NELL1: variants seen among roughly 807,000 people sequenced by gnomAD.
NELL1 encodes protein kinase C-binding protein NELL1.
NELL1 carries 76 observed loss-of-function variants against 107.4 expected under a neutral mutation model. That is an observed-to-expected ratio of 0.71 (90% CI 0.59 to 0.86). The LOEUF (loss-of-function observed/expected upper bound fraction) is 0.86. NELL1 is among the 40% of genes least tolerant of loss of function. NELL1 has a pLI of 0.00. For missense variants in NELL1, 1,024 were observed against 1,005.5 expected (o/e 1.02, Z -0.25); for synonymous variants, 353 against 341.2 (o/e 1.03, Z -0.38).
At chr11:21,325,005 T>C (rs963589673) in intron 14 of NELL1, among the ~76,000 whole-genome samples, 4 of 152,234 alleles carry the variant, frequency 2.6e-5, no homozygotes, top group South Asian at 2.1e-4. Flanking sequence ...ATATTTGTAT[T>C]TTATTTTTTG....
chr11:20,921,092 A>C (rs2134163227), intron 7 of NELL1, among the ~76,000 whole-genome samples: 1 of 152,140 alleles, frequency 6.6e-6, no homozygotes, highest in East Asian at 1.9e-4. Context: ...CTTGCAAGCC[A>C]AGAGGCAAAA....
At chr11:21,011,472 T>G (rs57102243) in intron 12 of NELL1, among the ~76,000 whole-genome samples, 6,627 of 152,220 alleles carry the variant, frequency 0.044, 445 homozygotes, top group African/African-American at 0.14. Context: ...CTGAGTTTCC[T>G]ATGTTGGACC....
At chr11:21,298,876 A>G (rs1171434322) in intron 14 of NELL1, among the ~76,000 whole-genome samples, 1 of 151,872 alleles carries the variant, frequency 6.6e-6, no homozygotes, top group South Asian at 2.1e-4. Context: ...CCAAGAAATC[A>G]CCTTTCCCCC....
chr11:20,749,827 A>G (rs965676208), intron 2 of NELL1, among the ~76,000 whole-genome samples: 1 of 152,116 alleles, frequency 6.6e-6, no homozygotes, highest in African/African-American at 2.4e-5. Context: ...ACTATTCACT[A>G]TACTTTTTGT....
In NELL1 at chr11:21,196,883, CTT is replaced by C. The variant is rs200792090; in HGVS notation, c.1427-32434_1427-32433del. On this transcript the variant is annotated intron_variant, in intron 13 of 19. Transcript: ENST00000357134. ...TAATTCTTTTTCTTTCTTTTCTTTT[CTT>C]TTTTTTTTTTTTTTCTCACTCTGTT... Among the ~76,000 whole-genome samples, 799 of 136,244 alleles carry C rather than the reference CTT, an allele frequency of 5.9e-3. 2 individuals are homozygous for C. The highest frequency in any genetic ancestry group is 8.2e-3 in the African/African-American group (306 of 37,252). The allele number at this position is 136,244 out of a possible 152,430, so 89.4% of individuals were successfully genotyped here. A position where few individuals can be genotyped will look rare whatever the true frequency, so the allele number is the denominator to read the frequency against.
chr11:21,023,987 A>G (rs1852758204), intron 12 of NELL1, among the ~76,000 whole-genome samples: 2 of 152,148 alleles, frequency 1.3e-5, no homozygotes, highest in Admixed American at 1.3e-4. Context: ...AATGTTTCTT[A>G]GAAATCCTTC....
intron 3 of NELL1, among the ~76,000 whole-genome samples, chr11:20,802,595 A>C (rs1857301710): frequency 6.6e-6 from 1 of 152,164 alleles, no homozygotes; most frequent in Admixed American, 6.5e-5. Context: ...TAGGACTTAC[A>C]GTACTATGTT....
rs561135762 is a variant in NELL1 at position 21,123,821 on chromosome 11, C to T, written c.1426+10107C>T. Among the ~76,000 whole-genome samples, 8 of 151,914 alleles carry T rather than the reference C, an allele frequency of 5.3e-5. No homozygotes were observed. The East Asian group carries it at 1.4e-3, about 26-fold the overall frequency. On this transcript the variant is annotated intron_variant, in intron 13 of 19. Transcript: ENST00000357134. ...GCGTAAATATAAACTCATGGAAATT[C>T]GATTAAATAAATGACAATAAATCCA...
intron 15 of NELL1, among the ~76,000 whole-genome samples, chr11:21,440,386 TTTAG>T (rs1017756067): frequency 6.6e-6 from 1 of 152,182 alleles, no homozygotes; most frequent in Non-Finnish European, 1.5e-5. Flanking sequence ...GTATTTTTAT[TTTAG>T]TTAGTTAATT....
intron 15 of NELL1, among the ~76,000 whole-genome samples, chr11:21,455,054 T>A (rs1422244130): frequency 2.0e-5 from 3 of 152,238 alleles, no homozygotes; most frequent in Non-Finnish European, 4.4e-5. Flanking sequence ...TTCCATAAAC[T>A]TTCAGTGTTC....
At chr11:20,778,262 C>T (rs11827214) in intron 2 of NELL1, among the ~76,000 whole-genome samples, 1,912 of 152,254 alleles carry the variant, frequency 0.013, 55 homozygotes, top group African/African-American at 0.043. Context: ...GTCTTGCTTA[C>T]GTGTCTATCC....
At chr11:20,691,577 G>A (rs1327096193) in intron 2 of NELL1, among the ~76,000 whole-genome samples, 2 of 152,106 alleles carry the variant, frequency 1.3e-5, no homozygotes, top group East Asian at 1.9e-4. Context: ...TTTGTATGCT[G>A]GATTACATTT....
chr11:21,375,948 G>C (rs1345876046), intron 15 of NELL1, among the ~76,000 whole-genome samples: 2 of 151,818 alleles, frequency 1.3e-5, no homozygotes, highest in South Asian at 4.2e-4. Context: ...TGAATATTAG[G>C]CCTTTGTTGG....
At chr11:21,519,339 G>T (rs529132335) in intron 15 of NELL1, among the ~76,000 whole-genome samples, 5 of 152,042 alleles carry the variant, frequency 3.3e-5, no homozygotes, top group African/African-American at 4.8e-5. Context: ...ACAGACTACT[G>T]GGTTCTACCC....
At position 21,438,463 on chromosome 11, in the gene NELL1, T is replaced by C. The variant is rs148993961; in HGVS notation, c.1645+67515T>C. 1.8e-3 allele frequency among the ~76,000 whole-genome samples: 278 copies of C among 152,290 alleles called. 1 individual carries two copies. Among genetic ancestry groups the C allele is most frequent in the Middle Eastern group, 6.8e-3 (2 of 294 alleles). Reference sequence around the variant, plus strand: ...AGAGAACTTTTTGTTTTGAAACTACTTGGGGATTGTTGAGCTTTCTGTATC... The same window carrying C: ...AGAGAACTTTTTGTTTTGAAACTACCTGGGGATTGTTGAGCTTTCTGTATC... On this transcript the variant is annotated intron_variant, in intron 15 of 19. Transcript: ENST00000357134.
At chr11:21,284,729 C>T (rs1392981977) in intron 14 of NELL1, 1 of 347,538 alleles carries the variant, frequency 2.9e-6, no homozygotes, top group Non-Finnish European at 5.7e-6. Flanking sequence ...GGCAATGTGA[C>T]AATTTAGTCA....
At chr11:20,897,379 G>A (rs952065846) in intron 5 of NELL1, among the ~76,000 whole-genome samples, 3 of 152,102 alleles carry the variant, frequency 2.0e-5, no homozygotes, top group Non-Finnish European at 4.4e-5. Context: ...GCTGAAACTG[G>A]ATCCCTTCCT....
intron 15 of NELL1, among the ~76,000 whole-genome samples, chr11:21,456,203 T>A (rs894932508): frequency 1.3e-5 from 2 of 152,156 alleles, no homozygotes; most frequent in Non-Finnish European, 2.9e-5. Context: ...TTTCTTCTTT[T>A]GCTTGGGACT....
At chr11:21,344,602 G>T (rs1386091332) in intron 14 of NELL1, among the ~76,000 whole-genome samples, 1 of 152,072 alleles carries the variant, frequency 6.6e-6, no homozygotes, top group Non-Finnish European at 1.5e-5. Context: ...GTAAGTCTGG[G>T]ATAGATGGTA....
Sources: allele counts gnomAD v4.1 joint callset (sites outside exome capture counted in the v4.1 genomes callset), GRCh38; gene constraint gnomAD v4.1.1; transcripts MANE v1.5; gene names NCBI Gene and HGNC (gene_info 2026-07-23, HGNC 2026-07-21).